The following ARHGAP26 variants were observed in gnomAD, a reference collection of about 807,000 sequenced individuals.
ARHGAP26 encodes the protein rho GTPase-activating protein 26.
A neutral mutation model predicts 104.8 loss-of-function variants in ARHGAP26; 38 were observed. That is an observed-to-expected ratio of 0.36 (90% CI 0.28 to 0.48). The LOEUF (loss-of-function observed/expected upper bound fraction) is 0.48. Ranked by LOEUF, ARHGAP26 falls within the 20% of genes least tolerant of loss-of-function variation. ARHGAP26 has a pLI of 0.99. For missense variants in ARHGAP26, 704 were observed against 947.9 expected, an observed-to-expected ratio of 0.74 and a Z score of 3.38; for synonymous variants, 341 against 340.0, an observed-to-expected ratio of 1.00 and a Z score of -0.03.
chr5:143,147,248 A>G lies in ARHGAP26; in HGVS notation c.1855A>G (p.Ile619Val), dbSNP rs764910895. The change falls in exon 20 of 23, where the codon ATC becomes GTC. Residue 619 changes from isoleucine (I) to valine (V), a missense_variant. Ile to Val is a conservative substitution (Grantham distance 29). Coordinates refer to ENST00000645722, the MANE Select transcript of ARHGAP26 (RefSeq NM_001135608.3). ...STEKQEQRNS[I>V]INSSLESVSS... Reference sequence around the variant, plus strand: ...CCCCCCAGAGGAACAAAGGAACAGCATCATCAACTCCAGTTTGGAATCTGT... The same window carrying G: ...CCCCCCAGAGGAACAAAGGAACAGCGTCATCAACTCCAGTTTGGAATCTGT... 1.2e-6 allele frequency: 2 copies of G among 1,614,072 alleles called. No homozygotes were observed. The highest frequency in any genetic ancestry group is 1.7e-6 in the Non-Finnish European group (2 of 1,179,940).
intron 1 of ARHGAP26, among the ~76,000 whole-genome samples, chr5:142,819,015 AG>A (rs2152064359): frequency 6.6e-6 from 1 of 152,234 alleles, no homozygotes; most frequent in South Asian, 2.1e-4. Context: ...AGTGAGTCTT[AG>A]GGGTGATTTG....
intron 11 of ARHGAP26, among the ~76,000 whole-genome samples, chr5:142,978,403 A>G: frequency 6.6e-6 from 1 of 152,164 alleles, no homozygotes; most frequent in East Asian, 1.9e-4. Context: ...CCATCCAGAA[A>G]ATACATAGCC....
At chr5:143,046,451 A>C (rs1784249730) in intron 14 of ARHGAP26, among the ~76,000 whole-genome samples, 1 of 152,236 alleles carries the variant, frequency 6.6e-6, no homozygotes, top group South Asian at 2.1e-4. Context: ...CTTTGTACTG[A>C]TCAGGATTCC....
chr5:142,913,453 A>G (rs776268095), intron 10 of ARHGAP26, among the ~76,000 whole-genome samples, 160 bp downstream of exon 10: 4 of 128,096 alleles, frequency 3.1e-5, no homozygotes, highest in Non-Finnish European at 6.2e-5. Context: ...CCATCCATTC[A>G]TCTATGTCCA....
chr5:142,939,899 A>G (rs1175814054), intron 11 of ARHGAP26, among the ~76,000 whole-genome samples: 1 of 152,224 alleles, frequency 6.6e-6, no homozygotes, highest in Non-Finnish European at 1.5e-5. Context: ...CTTTTTGGAG[A>G]GGAAGATGGA....
At chr5:143,110,462 C>T (rs572932921) in intron 17 of ARHGAP26, among the ~76,000 whole-genome samples, 58 of 152,290 alleles carry the variant, frequency 3.8e-4, no homozygotes, top group African/African-American at 1.3e-3. Flanking sequence ...GCTTGCTTGA[C>T]TTTGGGACAA....
At chr5:142,916,889 C>A (rs1762549975) in intron 10 of ARHGAP26, among the ~76,000 whole-genome samples, 1 of 152,090 alleles carries the variant, frequency 6.6e-6, no homozygotes, top group Non-Finnish European at 1.5e-5. Context: ...TCACTACAAC[C>A]CAGGGGGGTA....
intron 1 of ARHGAP26, among the ~76,000 whole-genome samples, chr5:142,773,141 G>C (rs1454167313): frequency 6.6e-5 from 10 of 152,048 alleles, no homozygotes; most frequent in African/African-American, 2.4e-4. Context: ...CAGACATTCC[G>C]ATATCATGAG....
chr5:142,806,477 G>GTGTGA (rs1763008438), intron 1 of ARHGAP26, among the ~76,000 whole-genome samples: 3 of 89,900 alleles, frequency 3.3e-5, no homozygotes, highest in African/African-American at 2.6e-4. Flanking sequence ...AATGAAATGT[G>GTGTGA]TGTGTGTGTG....
intron 17 of ARHGAP26, among the ~76,000 whole-genome samples, chr5:143,086,345 T>C (rs930560829): frequency 6.6e-6 from 1 of 150,376 alleles, no homozygotes; most frequent in South Asian, 2.1e-4. Flanking sequence ...TGGGCCTCCA[T>C]CTTTATTTTT....
intron 3 of ARHGAP26, among the ~76,000 whole-genome samples, chr5:142,878,523 ATGTGTGTGTGTGTGCACGCATG>A (rs1432935773): frequency 6.3e-5 from 9 of 142,046 alleles, no homozygotes; most frequent in African/African-American, 2.5e-4. Flanking sequence ...ACTGATGTGT[ATGTGTGTGTGTGTGCACGCATG>A]TGTGTGTGTG....
rs1663757329 is a variant in ARHGAP26, at chr5:142,901,321, G to A, written c.598-614G>A. Among the ~76,000 whole-genome samples, 3 of 152,316 alleles carry A rather than the reference G, an allele frequency of 2.0e-5. No individual in the cohort carries two copies. In the South Asian group the frequency reaches 6.2e-4, roughly 32 times the overall value. ...TGAGAATTTAGGGAAACCACCATAAGTGAAAATGTGGGAATATGGAAATAT... is the reference window on the plus strand; with the variant it reads ...TGAGAATTTAGGGAAACCACCATAAATGAAAATGTGGGAATATGGAAATAT... On this transcript the variant is annotated intron_variant, in intron 6 of 22. Coordinates refer to ENST00000645722, the MANE Select transcript of ARHGAP26 (RefSeq NM_001135608.3).
intron 20 of ARHGAP26, among the ~76,000 whole-genome samples, chr5:143,205,929 C>A (rs1461301392): frequency 6.6e-6 from 1 of 152,210 alleles, no homozygotes; most frequent in African/African-American, 2.4e-5. Context: ...AATTTATGTT[C>A]TAAAAATATA....
chr5:142,892,023 C>T (rs1417394518), intron 5 of ARHGAP26, among the ~76,000 whole-genome samples: 2 of 151,814 alleles, frequency 1.3e-5, no homozygotes, highest in Non-Finnish European at 2.9e-5. Flanking sequence ...CAATTGTACC[C>T]GCTCGTGGGC....
chr5:143,083,827 T>C (rs528922568), intron 17 of ARHGAP26, among the ~76,000 whole-genome samples: 1 of 152,164 alleles, frequency 6.6e-6, no homozygotes, highest in Non-Finnish European at 1.5e-5. Context: ...TCCGATTCAA[T>C]ATATCTTTCT....
chr5:142,995,840 G>T (rs967989596), intron 11 of ARHGAP26, among the ~76,000 whole-genome samples: 1 of 152,126 alleles, frequency 6.6e-6, no homozygotes, highest in African/African-American at 2.4e-5. Context: ...CCATAAAAAA[G>T]AATGCATTCA....
chr5:143,205,467 T>G (rs1458147175), intron 20 of ARHGAP26, among the ~76,000 whole-genome samples: 3 of 152,236 alleles, frequency 2.0e-5, no homozygotes, highest in African/African-American at 7.2e-5. Flanking sequence ...TGAGTCTTAT[T>G]GTGATTCTCT....
intron 1 of ARHGAP26, among the ~76,000 whole-genome samples, chr5:142,857,006 G>A (rs1752468652): frequency 6.6e-6 from 1 of 152,196 alleles, no homozygotes; most frequent in Non-Finnish European, 1.5e-5. Flanking sequence ...GAAGGCTCTA[G>A]GGAAGAATCA....
intron 20 of ARHGAP26, among the ~76,000 whole-genome samples, chr5:143,199,518 G>C (rs1807384733): frequency 6.6e-6 from 1 of 152,196 alleles, no homozygotes; most frequent in Admixed American, 6.5e-5. Context: ...AATGGGATTA[G>C]ATTAGATAGG....
Sources: allele counts gnomAD v4.1 joint callset (sites outside exome capture counted in the v4.1 genomes callset), GRCh38; gene constraint gnomAD v4.1.1; transcripts MANE v1.5; gene names NCBI Gene and HGNC (gene_info 2026-07-23, HGNC 2026-07-21).